Variants in ATP13A3 observed in about 807,000 individuals in gnomAD.
ATP13A3 encodes ATPase 13A3.
ATP13A3 carries 59 observed loss-of-function variants against 158.1 expected under a neutral mutation model. The observed-to-expected ratio is 0.37, with a 90% CI of 0.30 to 0.46. The LOEUF is 0.46. ATP13A3 is among the 20% of genes least tolerant of loss of function. The probability of loss-of-function intolerance (pLI) is 1.00; values close to 1 mark genes in which losing one functional copy is unlikely to be tolerated. For synonymous variants in ATP13A3, 491 were observed against 504.3 expected (o/e 0.97, Z 0.35); for missense variants, 1,166 against 1,525.2 (o/e 0.76, Z 3.92).
At chr3:194,442,489 T>C (rs1476235970) in intron 15 of ATP13A3, among the ~76,000 whole-genome samples, 1 of 152,002 alleles carries the variant, frequency 6.6e-6, no homozygotes, top group Non-Finnish European at 1.5e-5. Flanking sequence ...GATAACAGAA[T>C]GGCAAATCTG....
chr3:194,459,062 T>C (rs1021279875), intron 6 of ATP13A3: 1 of 162,360 alleles, frequency 6.2e-6, no homozygotes, highest in African/African-American at 2.4e-5. Context: ...ATCTACATAG[T>C]AAAATTAAAT....
At chr3:194,429,557 T>C (rs1717065917) in intron 27 of ATP13A3, 121 bp downstream of exon 27, 1 of 574,854 alleles carries the variant, frequency 1.7e-6, no homozygotes, top group Non-Finnish European at 2.9e-6. Context: ...AAGGTAAATT[T>C]ATAGGTACTA....
intron 31 of ATP13A3, among the ~76,000 whole-genome samples, chr3:194,414,873 C>T (rs183623781): frequency 7.9e-5 from 12 of 152,270 alleles, no homozygotes; most frequent in Admixed American, 5.2e-4. Context: ...GTCAATATAT[C>T]AGTGTATTTG....
intron 5 of ATP13A3, 21 bp downstream of exon 5, chr3:194,459,768 T>G: frequency 6.3e-7 from 1 of 1,581,980 alleles, no homozygotes; most frequent in Non-Finnish European, 8.6e-7. Flanking sequence ...TAAAGAAACT[T>G]TGACATTAAG....
At chr3:194,490,912 G>A (rs1426396132), upstream of ATP13A3, among the ~76,000 whole-genome samples, 1 of 152,198 alleles carries the variant, frequency 6.6e-6, no homozygotes, top group Non-Finnish European at 1.5e-5. This position sits in a 1 kb window ranked among gnomAD's most constrained non-coding sequence, Gnocchi z 4.4. Flanking sequence ...TTGGGAGGCC[G>A]AGGCGGGCGG....
intron 25 of ATP13A3, 42 bp from the exon 26 acceptor site, chr3:194,430,223 T>C: frequency 6.2e-7 from 1 of 1,613,378 alleles, no homozygotes; most frequent in Non-Finnish European, 8.5e-7. Flanking sequence ...GTGAATATGA[T>C]TTAGGCTAGA....
intron 13 of ATP13A3, among the ~76,000 whole-genome samples, chr3:194,447,472 G>A (rs964353006): frequency 8.6e-5 from 13 of 151,916 alleles, no homozygotes; most frequent in African/African-American, 2.7e-4. Flanking sequence ...GACAAGCGGC[G>A]CCTTCAATTA....
chr3:194,474,543 T>A (rs962194629), intron 2 of ATP13A3, among the ~76,000 whole-genome samples: 1 of 152,156 alleles, frequency 6.6e-6, no homozygotes, highest in Non-Finnish European at 1.5e-5. Context: ...AAATGATAAA[T>A]AAGCCTAATT....
intron 31 of ATP13A3, among the ~76,000 whole-genome samples, chr3:194,415,661 C>CTGTTTTTTTTTTTTTTT (rs1208643552): frequency 1.5e-4 from 14 of 90,924 alleles, no homozygotes; most frequent in East Asian, 9.6e-4. Context: ...ATACCACATT[C>CTGTTTTTTTTTTTTTTT]TTTTTTTTTT....
At position 194,405,738 on chromosome 3, in the gene ATP13A3, C is replaced by T; in HGVS notation, c.*181G>A. On this transcript the variant is annotated 3_prime_UTR_variant, in exon 34 of 34. Coordinates refer to ENST00000645319, the MANE Select transcript of ATP13A3 (RefSeq NM_001367549.1). ...CTTTATGGATTGATTGTTAATTTAA[C>T]TGTTAGGACGATATATTTTTCTGTT... The T allele has an allele frequency of 1.6e-6, 1 of 621,810 alleles. No homozygotes were observed. The allele number at this position is 621,810 out of a possible 1,614,324, so 38.5% of individuals were successfully genotyped here.
intron 2 of ATP13A3, chr3:194,471,878 G>A (rs145759400): frequency 6.6e-6 from 1 of 151,772 alleles, no homozygotes; most frequent in Non-Finnish European, 1.5e-5. Context: ...CAGTATCTTT[G>A]ACTTCACTTA....
At chr3:194,464,370 C>T (rs1719866427) in intron 2 of ATP13A3, among the ~76,000 whole-genome samples, 1 of 152,188 alleles carries the variant, frequency 6.6e-6, no homozygotes, top group Non-Finnish European at 1.5e-5. Flanking sequence ...TATGACCACA[C>T]AAAACCTTTT....
chr3:194,441,838 G>C (rs1287416962), intron 15 of ATP13A3, among the ~76,000 whole-genome samples: 3 of 152,092 alleles, frequency 2.0e-5, no homozygotes, highest in Non-Finnish European at 4.4e-5. Context: ...TTGGGAAAAG[G>C]GCAGATGAGA....
chr3:194,427,366 T>C, intron 28 of ATP13A3, 114 bp from the exon 29 acceptor site: 1 of 932,270 alleles, frequency 1.1e-6, no homozygotes. Flanking sequence ...TAACAATTCT[T>C]TAATACAAAA....
rs377047250 is a variant in ATP13A3, at chr3:194,403,742, C to A, written c.*2177G>T. 3 of 198,906 alleles carry A rather than the reference C, an allele frequency of 1.5e-5. No individual in the cohort carries two copies. The highest frequency in any genetic ancestry group is 3.2e-4 in the East Asian group (2 of 6,326). The allele number at this position is 198,906 out of a possible 1,614,324, so 12.3% of individuals were successfully genotyped here. ...TCTATGGCACTGAGTAGAACCCACA[C>A]CTGGCTTCACAGGCATTCTTCAAAT... is the stretch of plus-strand genomic sequence containing the variant. On this transcript the variant is annotated 3_prime_UTR_variant, in exon 34 of 34. Coordinates refer to ENST00000645319, the MANE Select transcript of ATP13A3 (RefSeq NM_001367549.1).
intron 30 of ATP13A3, chr3:194,424,312 A>G (rs1281787964): frequency 6.6e-6 from 1 of 151,906 alleles, no homozygotes; most frequent in African/African-American, 2.4e-5. Context: ...ATAAGTAATA[A>G]TATAGTTATT....
rs1716161175 is a variant in ATP13A3, at chr3:194,419,858, A to G, written c.3402+21T>C. The G allele has an allele frequency of 2.6e-6, 4 of 1,554,578 alleles. No individual in the cohort carries two copies. The African/African-American group carries it at 5.7e-5, about 22-fold the overall frequency. ...ACAGGTTAGTCTTTTTCCCCAAACAAATGATGTGCTTAAGTCTTACCTGAA... is the reference window on the plus strand; with the variant it reads ...ACAGGTTAGTCTTTTTCCCCAAACAGATGATGTGCTTAAGTCTTACCTGAA... On this transcript the variant is annotated intron_variant, in intron 31 of 33. Coordinates refer to ENST00000645319, the MANE Select transcript of ATP13A3 (RefSeq NM_001367549.1).
At chr3:194,462,575 C>T (rs893341436) in intron 2 of ATP13A3, among the ~76,000 whole-genome samples, 16 of 152,182 alleles carry the variant, frequency 1.1e-4, no homozygotes, top group African/African-American at 2.7e-4. Context: ...CCATCCCTCC[C>T]CACCCGTAAC....
intron 20 of ATP13A3, 57 bp from the exon 21 acceptor site, chr3:194,433,953 T>C: frequency 3.9e-6 from 6 of 1,522,558 alleles, no homozygotes; most frequent in Admixed American, 1.9e-5. Flanking sequence ...AAGCAACTTA[T>C]GTACACAAAC....
Sources: gnomAD v4.1 joint callset for allele counts (sites outside exome capture counted in the v4.1 genomes callset) on GRCh38, gnomAD v4.1.1 for gene constraint, Gnocchi (gnomAD v3.1) non-coding constraint, MANE v1.5 for transcripts, NCBI Gene and HGNC (gene_info 2026-07-23, HGNC 2026-07-21) for gene names.